KDM4B: variants seen among roughly 807,000 people sequenced by gnomAD.
KDM4B encodes lysine-specific demethylase 4B.
Under a neutral mutation model 125.2 loss-of-function variants are expected in KDM4B, and 32 were observed. That is an observed-to-expected ratio of 0.26 (90% CI 0.19 to 0.34). KDM4B has a LOEUF of 0.34. Ranked by LOEUF, KDM4B falls within the 10% of genes least tolerant of loss-of-function variation. The probability of loss-of-function intolerance (pLI) is 1.00; values close to 1 mark genes in which losing one functional copy is unlikely to be tolerated. For synonymous variants in KDM4B, 721 were observed against 677.9 expected (o/e 1.06, Z -0.99); for missense variants, 1,190 against 1,577.7 (o/e 0.75, Z 4.16).
At position 5,114,054 on chromosome 19, in the gene KDM4B, C is replaced by T. The variant is rs1423939567; in HGVS notation, c.1115+3236C>T. On this transcript the variant is annotated intron_variant, in intron 10 of 22. Transcript: ENST00000159111. This position sits in a 1 kb window ranked among gnomAD's most constrained non-coding sequence, Gnocchi z 5.8. The stretch of plus-strand genomic sequence containing the variant: ...CTGATGGATGGGTCGCCTAAAACTG[C>T]AGCCTGGCTCCTGGCGGGTGCCCTC... The T allele has an allele frequency of 4.7e-5, 61 of 1,287,866 alleles. No homozygotes were observed. Among genetic ancestry groups the T allele is most frequent in the Non-Finnish European group, 6.1e-5 (60 of 987,854 alleles). 79.8% of individuals were successfully genotyped at this position (1,287,866 alleles called of 1,614,324 possible).
intron 11 of KDM4B, among the ~76,000 whole-genome samples, chr19:5,126,386 G>A (rs780309499): frequency 3.3e-5 from 5 of 152,288 alleles, no homozygotes; most frequent in East Asian, 1.9e-4. Context: ...AGGCGGCCTC[G>A]TCCACCTCTC....
chr19:5,042,848 C>A (rs1291806893), intron 5 of KDM4B, among the ~76,000 whole-genome samples: 12 of 151,780 alleles, frequency 7.9e-5, no homozygotes, highest in Non-Finnish European at 1.5e-5. Flanking sequence ...ACCTGCAGTT[C>A]CACAGACTCA....
intron 11 of KDM4B, among the ~76,000 whole-genome samples, chr19:5,123,474 C>G (rs917201017): frequency 6.6e-6 from 1 of 152,336 alleles, no homozygotes; most frequent in East Asian, 1.9e-4. Context: ...TGGCCCGCCC[C>G]AAGGGTCTCA....
chr19:5,151,814 C>T lies in KDM4B; in HGVS notation c.*303C>T, dbSNP rs2039953624. 1 of 323,042 alleles carries T rather than the reference C, an allele frequency of 3.1e-6. No homozygotes were observed. The highest frequency in any genetic ancestry group is 5.6e-6 in the Non-Finnish European group (1 of 178,138). The allele number at this position is 323,042 out of a possible 1,614,324, so 20.0% of individuals were successfully genotyped here. ...GCTACTGCAATGCCCTACTGAGCAA[C>T]CTTTGAGATTGTCACTTCTGTACAT... is the stretch of plus-strand genomic sequence containing the variant. On this transcript the variant is annotated 3_prime_UTR_variant, in exon 23 of 23. Transcript: ENST00000159111.
intron 7 of KDM4B, 84 bp downstream of exon 7, chr19:5,071,143 G>A (rs575699455): frequency 3.9e-5 from 51 of 1,301,276 alleles, no homozygotes; most frequent in Non-Finnish European, 5.1e-5. Flanking sequence ...GGCGTCCCCC[G>A]GGCTCTGCTG....
chr19:5,105,752 A>C (rs1304285068), intron 9 of KDM4B, among the ~76,000 whole-genome samples: 4 of 152,218 alleles, frequency 2.6e-5, no homozygotes, highest in Non-Finnish European at 5.9e-5. Context: ...AACTTATTGT[A>C]AAGGACCTGA....
At chr19:5,091,702 CGGAGCCCAGGGGGAG>C (rs918254350) in intron 9 of KDM4B, among the ~76,000 whole-genome samples, 11 of 141,724 alleles carry the variant, frequency 7.8e-5, no homozygotes, top group East Asian at 2.4e-4. Context: ...GTGATTAACC[CGGAGCCCAGGGGGAG>C]GGAGCCCAGG....
rs550375883 is a variant in KDM4B, at chr19:5,117,459, C to T, written c.1116-2194C>T. On this transcript the variant is annotated intron_variant, in intron 10 of 22. Coordinates refer to ENST00000159111, the MANE Select transcript of KDM4B (RefSeq NM_015015.3). ...CCAGGGCGGGTCCACTGTGGGATCC[C>T]GGCCCTACAGCCCTGGGGCATTCCC... 6.5e-4 allele frequency among the ~76,000 whole-genome samples: 99 copies of T among 152,222 alleles called. 1 individual carries two copies. The highest frequency in any genetic ancestry group is 1.9e-3 in the African/African-American group (79 of 41,528).
chr19:5,099,358 C>T (rs1420868248), intron 9 of KDM4B, among the ~76,000 whole-genome samples: 1 of 152,172 alleles, frequency 6.6e-6, no homozygotes, highest in Non-Finnish European at 1.5e-5. Flanking sequence ...TGCACCATCA[C>T]CCCCAGACCC....
chr19:5,116,028 C>T (rs1599218451), intron 10 of KDM4B, among the ~76,000 whole-genome samples: 2 of 152,224 alleles, frequency 1.3e-5, no homozygotes, highest in South Asian at 2.1e-4. Flanking sequence ...AACCACAATG[C>T]ATCGCTGTGA....
chr19:5,063,978 T>A (rs542436906), intron 6 of KDM4B, among the ~76,000 whole-genome samples: 19 of 152,266 alleles, frequency 1.2e-4, no homozygotes, highest in Middle Eastern at 6.8e-3. Flanking sequence ...CAGCTCTCTG[T>A]TGGGTCTCGC....
chr19:4,970,620 G>A (rs1283018998), intron 1 of KDM4B, among the ~76,000 whole-genome samples: 1 of 152,132 alleles, frequency 6.6e-6, no homozygotes, highest in Non-Finnish European at 1.5e-5. Context: ...CGACTCCTAT[G>A]GGCTTTTATC....
intron 1 of KDM4B, among the ~76,000 whole-genome samples, chr19:4,986,721 G>T (rs772344247): frequency 6.6e-6 from 1 of 152,234 alleles, no homozygotes; most frequent in Admixed American, 6.5e-5. Flanking sequence ...ACCTCTGAGC[G>T]ACTCACACCT....
rs2039428361 is a variant in KDM4B at position 5,125,214 on chromosome 19, T to A, written c.1315+5362T>A. ...TCTTTTCATTAATGTGACTAACTGTTATTTACTAATCTTCCCAAGCCCACT... is the reference window on the plus strand; with the variant it reads ...TCTTTTCATTAATGTGACTAACTGTAATTTACTAATCTTCCCAAGCCCACT... On this transcript the variant is annotated intron_variant, in intron 11 of 22. Transcript: ENST00000159111. Among the ~76,000 whole-genome samples the A allele has an allele frequency of 2.0e-5, 3 of 152,288 alleles. No individual in the cohort carries two copies. The South Asian group carries it at 6.2e-4, about 32-fold the overall frequency.
intron 6 of KDM4B, among the ~76,000 whole-genome samples, chr19:5,050,803 G>C (rs1426180687): frequency 6.6e-6 from 1 of 152,244 alleles, no homozygotes; most frequent in Non-Finnish European, 1.5e-5. Context: ...GGGAGGCTGA[G>C]GCAGGAGAAT....
chr19:5,033,061 C>T lies in KDM4B; in HGVS notation c.141+30C>T, dbSNP rs376819957. 4.2e-5 allele frequency: 68 copies of T among 1,607,170 alleles called. No individual in the cohort carries two copies. The African/African-American group carries it at 8.4e-4, about 20-fold the overall frequency. The stretch of plus-strand genomic sequence containing the variant: ...GTGACATCCTGGCCCCAGCGCGGCC[C>T]TCCATCAGCCTGCGCCGCGGGCCTG... On this transcript the variant is annotated intron_variant, in intron 3 of 22. Coordinates refer to ENST00000159111, the MANE Select transcript of KDM4B (RefSeq NM_015015.3).
chr19:4,990,756 A>G (rs553577363), intron 1 of KDM4B, among the ~76,000 whole-genome samples: 1 of 152,342 alleles, frequency 6.6e-6, no homozygotes, highest in South Asian at 2.1e-4. Context: ...AAGGATATTT[A>G]TAAACCCGGA....
intron 1 of KDM4B, among the ~76,000 whole-genome samples, chr19:4,986,062 C>G (rs2034820046): frequency 6.6e-6 from 1 of 152,210 alleles, no homozygotes; most frequent in Non-Finnish European, 1.5e-5. Flanking sequence ...AGCTCCCCAG[C>G]CCGGCTTGGA....
chr19:5,051,156 T>G (rs1283376207), intron 6 of KDM4B, among the ~76,000 whole-genome samples: 2 of 151,944 alleles, frequency 1.3e-5, no homozygotes. Flanking sequence ...TAGAAGAGAG[T>G]TCCAGGCCGG....
Sources: allele counts gnomAD v4.1 joint callset (sites outside exome capture counted in the v4.1 genomes callset), GRCh38; gene constraint gnomAD v4.1.1; non-coding constraint Gnocchi (gnomAD v3.1); transcripts MANE v1.5; gene names NCBI Gene and HGNC (gene_info 2026-07-23, HGNC 2026-07-21).